The following PLEKHN1 variants were observed in gnomAD, a reference collection of about 807,000 sequenced individuals.
The protein encoded by PLEKHN1 is pleckstrin homology domain containing N1, also known as pleckstrin homology domain-containing family N member 1.
PLEKHN1 carries 68 observed loss-of-function variants against 72.8 expected under a neutral mutation model. That is an observed-to-expected ratio of 0.93 (90% CI 0.77 to 1.14). PLEKHN1 has a LOEUF of 1.14. Ranked by LOEUF, PLEKHN1 falls within the 50% of genes most tolerant of loss-of-function variation. PLEKHN1 has a pLI of 0.00. For synonymous variants in PLEKHN1, 454 were observed against 371.6 expected (o/e 1.22, Z -2.55); for missense variants, 1,015 against 840.5 (o/e 1.21, Z -2.57).
chr1:974,335 G>A lies in PLEKHN1; in HGVS notation c.1673G>A (p.Gly558Asp), dbSNP rs750700530. 4 of 1,612,876 alleles carry A rather than the reference G, an allele frequency of 2.5e-6. No homozygotes were observed. The highest frequency in any genetic ancestry group is 3.4e-6 in the Non-Finnish European group (4 of 1,180,016). Reference sequence around the variant, plus strand: ...TTCCAGGTCTCCTCTGCCAGGGAAGGTTCGCCCGAACCCTGGCTGCCTCTG... The same window carrying A: ...TTCCAGGTCTCCTCTGCCAGGGAAGATTCGCCCGAACCCTGGCTGCCTCTG... ...APQLVSSARE[G>D]SPEPWLPLTD... The change falls in exon 15 of 16, where the codon GGT (glycine) becomes GAT (aspartate). Residue 558 changes from glycine to aspartate, a missense_variant. Coordinates refer to ENST00000379410, the MANE Select transcript of PLEKHN1 (RefSeq NM_032129.3).
At chr1:966,865 C>G in intron 2 of PLEKHN1, 62 bp downstream of exon 2, 3 of 1,484,576 alleles carry the variant, frequency 2.0e-6, no homozygotes, top group Non-Finnish European at 2.7e-6. Context: ...GCGTGTGTGC[C>G]GTGTGTCCGT....
In PLEKHN1 at chr1:974,557, G is replaced by C. The variant is rs78958031; in HGVS notation, c.1818G>C (p.Gly606=). 9.4e-4 allele frequency: 1,514 copies of C among 1,611,910 alleles called. 38 individuals are homozygous for C. In the East Asian group the frequency reaches 0.032, roughly 34 times the overall value. The change falls in exon 16 of 16, where the codon GGG becomes GGC. Residue 606 remains glycine, a synonymous_variant. Coordinates refer to ENST00000379410, the MANE Select transcript of PLEKHN1 (RefSeq NM_032129.3). ...TTGGAGGGCCTGAGGCCAGTGGGGG[G>C]CTTGTGCAGTGGATCTGATGGCCGC... The part of the protein sequence containing the change: ...PQLGGPEASG[G]LVQWI
chr1:967,716 A>T (rs1643084921), intron 2 of PLEKHN1, among the ~76,000 whole-genome samples: 1 of 152,158 alleles, frequency 6.6e-6, no homozygotes, highest in South Asian at 2.1e-4. Context: ...GCAGACAAGT[A>T]CTGGTTTCGG....
chr1:969,129 CA>C (rs1643149132), intron 2 of PLEKHN1, among the ~76,000 whole-genome samples: 1 of 152,234 alleles, frequency 6.6e-6, no homozygotes, highest in Non-Finnish European at 1.5e-5. Context: ...ATTTACCATA[CA>C]ATACTGCAGA....
rs1461834257 is a variant in PLEKHN1 at position 971,020 on chromosome 1, A to ACCCCACCCCCCT, written c.612+23_612+34dup. 8.2e-6 allele frequency: 7 copies of ACCCCACCCCCCT among 849,904 alleles called. No individual in the cohort carries two copies. The highest frequency in any genetic ancestry group is 2.2e-4 in the Middle Eastern group (1 of 4,530). 52.6% of individuals were successfully genotyped at this position (849,904 alleles called of 1,614,324 possible). A position where few individuals can be genotyped will look rare whatever the true frequency, so the allele number is the denominator to read the frequency against. ...GCACCCCCACAGGTCAGTGCCGGGG[A>ACCCCACCCCCCT]CCCCACCCCCCTCCCCACCCTGATC... On this transcript the variant is annotated intron_variant, in intron 6 of 15. Transcript: ENST00000379410.
At position 971,157 on chromosome 1, in the gene PLEKHN1, C is replaced by A. The variant is rs756689253; in HGVS notation, c.657C>A (p.Gly219=). 3 of 1,599,410 alleles carry A rather than the reference C, an allele frequency of 1.9e-6. No individual in the cohort carries two copies. Among genetic ancestry groups the A allele is most frequent in the African/African-American group, 1.3e-5 (1 of 74,692 alleles). Residue 219 remains glycine (G), a synonymous_variant, in exon 7 of 16, where the codon GGC becomes GGA. Coordinates refer to ENST00000379410, the MANE Select transcript of PLEKHN1 (RefSeq NM_032129.3). ...RLRTASGHEP[G]GSAVCASRVK... ...GGACGGCGTCAGGGCACGAACCCGGCGGCAGTGCTGTCTGTGCCTCGAGGG... is the reference window on the plus strand; with the variant it reads ...GGACGGCGTCAGGGCACGAACCCGGAGGCAGTGCTGTCTGTGCCTCGAGGG...
At chr1:967,577 G>A (rs1643076672) in intron 2 of PLEKHN1, among the ~76,000 whole-genome samples, 1 of 152,154 alleles carries the variant, frequency 6.6e-6, no homozygotes, top group Non-Finnish European at 1.5e-5. Context: ...CTGCGGGAGA[G>A]GACGCCTGCC....
In PLEKHN1 at chr1:971,480, G is replaced by A. The variant is rs925361412; in HGVS notation, c.789+76G>A. The A allele has an allele frequency of 3.0e-6, 4 of 1,346,840 alleles. No homozygotes were observed. The African/African-American group carries it at 5.8e-5, about 20-fold the overall frequency. 83.4% of individuals were successfully genotyped at this position (1,346,840 alleles called of 1,614,324 possible). A position where few individuals can be genotyped will look rare whatever the true frequency, so the allele number is the denominator to read the frequency against. On this transcript the variant is annotated intron_variant, in intron 8 of 15. Transcript: ENST00000379410. ...GTGGGAGGGGGCAGCCATGCAGGAG[G>A]AACCTGTATTTCGGGGCTTGTTGAG...
At chr1:972,555 C>T in intron 10 of PLEKHN1, 131 bp downstream of exon 10, 3 of 1,216,336 alleles carry the variant, frequency 2.5e-6, no homozygotes, top group South Asian at 3.2e-5. Flanking sequence ...CATTTGAGGT[C>T]AGGGGTTCGA....
chr1:967,435 CA>C (rs1643069042), intron 2 of PLEKHN1, among the ~76,000 whole-genome samples: 1 of 149,238 alleles, frequency 6.7e-6, no homozygotes, highest in Non-Finnish European at 1.5e-5. Flanking sequence ...CAGCCCCTTT[CA>C]GATGTGTCTG....
chr1:971,124 C>G lies in PLEKHN1; in HGVS notation c.624C>G (p.Thr208=). 1 of 1,599,426 alleles carries G rather than the reference C, an allele frequency of 6.3e-7. No homozygotes were observed. The highest frequency in any genetic ancestry group is 8.5e-7 in the Non-Finnish European group (1 of 1,173,790). ...CHSAPPQRRL[T]RLRTASGHEP... The stretch of plus-strand genomic sequence containing the variant: ...CCTGGACTTTGCAGCGCCGTCTAAC[C>G]CGGCTGCGGACGGCGTCAGGGCACG... The change falls in exon 7 of 16, where the codon ACC becomes ACG. Residue 208 remains threonine (T), a synonymous_variant. Transcript: ENST00000379410.
intron 2 of PLEKHN1, among the ~76,000 whole-genome samples, chr1:967,034 G>C (rs1643033098): frequency 6.6e-6 from 1 of 152,216 alleles, no homozygotes; most frequent in Non-Finnish European, 1.5e-5. Flanking sequence ...GAGCTGGGCG[G>C]GGCGGGCCGC....
rs750963505 is a variant in PLEKHN1, at chr1:970,706, G to A, written c.432G>A (p.Glu144=). ...GGCAGGGGCTGTTACCGCTGACGGA[G>A]CTGAGTGTCTGCCCGCTCGAGGGGT... ...LTFQGLLPLT[E]LSVCPLEGSR... The change falls in exon 5 of 16, where the codon GAG becomes GAA. Residue 144 remains glutamate (E), a synonymous_variant. Coordinates refer to ENST00000379410, the MANE Select transcript of PLEKHN1 (RefSeq NM_032129.3). This position sits in a 1 kb window ranked among gnomAD's most constrained non-coding sequence, Gnocchi z 4.2. 1.2e-5 allele frequency: 19 copies of A among 1,598,616 alleles called. No individual in the cohort carries two copies. The highest frequency in any genetic ancestry group is 5.6e-5 in the South Asian group (5 of 88,996).
At position 974,681 on chromosome 1, in the gene PLEKHN1, G is replaced by C. The variant is rs1643525348; in HGVS notation, c.*106G>C. ...AGTCAGGGTCTGAACCCAGTGTGAT[G>C]GGGGGAGTCTCTGGGGCCCTGAGTT... On this transcript the variant is annotated 3_prime_UTR_variant, in exon 16 of 16. Coordinates refer to ENST00000379410, the MANE Select transcript of PLEKHN1 (RefSeq NM_032129.3). The C allele has an allele frequency of 1.4e-6, 2 of 1,390,420 alleles. No homozygotes were observed. Among genetic ancestry groups the C allele is most frequent in the Non-Finnish European group, 9.6e-7 (1 of 1,044,726 alleles). 86.1% of individuals were successfully genotyped at this position (1,390,420 alleles called of 1,614,324 possible).
chr1:970,149 T>C lies in PLEKHN1; in HGVS notation c.184-128T>C. 1 of 976,252 alleles carries C rather than the reference T, an allele frequency of 1.0e-6. No individual in the cohort carries two copies. Among genetic ancestry groups the C allele is most frequent in the Non-Finnish European group, 1.5e-6 (1 of 672,318 alleles). The allele number at this position is 976,252 out of a possible 1,614,324, so 60.5% of individuals were successfully genotyped here. On this transcript the variant is annotated intron_variant, in intron 2 of 15. Transcript: ENST00000379410. This position sits in a 1 kb window ranked among gnomAD's most constrained non-coding sequence, Gnocchi z 4.2. ...CAGGTTCTGTGCCTGTGGGGGGCTG[T>C]TCTTCACATATGTGTTGTGTGGCTA... is the stretch of plus-strand genomic sequence containing the variant.
rs142016795 is a variant in PLEKHN1 at position 970,635 on chromosome 1, C to A, written c.411+34C>A. The A allele has an allele frequency of 6.2e-7, 1 of 1,605,772 alleles. No homozygotes were observed. The highest frequency in any genetic ancestry group is 8.5e-7 in the Non-Finnish European group (1 of 1,175,314). On this transcript the variant is annotated intron_variant, in intron 4 of 15. Coordinates refer to ENST00000379410, the MANE Select transcript of PLEKHN1 (RefSeq NM_032129.3). This position sits in a 1 kb window ranked among gnomAD's most constrained non-coding sequence, Gnocchi z 4.2. ...GTGGGCAATGGGGTGGGGCCATGGC[C>A]GCCCTTCCCTCCATGGATCCCTGAA...
chr1:967,379 C>T (rs1256506537), intron 2 of PLEKHN1, among the ~76,000 whole-genome samples: 1 of 147,100 alleles, frequency 6.8e-6, no homozygotes, highest in South Asian at 2.1e-4. Context: ...CATGCCCACC[C>T]CCCCCCCAGC....
In PLEKHN1 at chr1:966,762, G is replaced by C. The variant is rs1242962018; in HGVS notation, c.142G>C (p.Asp48His). The C allele has an allele frequency of 6.4e-7, 1 of 1,573,024 alleles. No individual in the cohort carries two copies. Among genetic ancestry groups the C allele is most frequent in the Non-Finnish European group, 8.6e-7 (1 of 1,160,412 alleles). The change falls in exon 2 of 16, where the codon GAC (aspartate) becomes CAC (histidine). Residue 48 changes from aspartate (D) to histidine (H), a missense_variant. By Grantham distance (81) the Asp-to-His change is moderately conservative. Coordinates refer to ENST00000379410, the MANE Select transcript of PLEKHN1 (RefSeq NM_032129.3). ...LPGPEAARSG[D>H]AAANKLFHYI... is the part of the protein sequence containing the mutation. ...GGGCCCCGAGGCTGCTCGAAGCGGG[G>C]ACGCCGCCGCCAACAAGCTCTTCCA...
chr1:974,277 G>A, intron 14 of PLEKHN1, 39 bp from the exon 15 acceptor site: 4 of 1,612,830 alleles, frequency 2.5e-6, no homozygotes, highest in African/African-American at 2.7e-5. Context: ...CCTGCCTGGG[G>A]CTGTGCCCGG....
Sources: allele counts gnomAD v4.1 joint callset (sites outside exome capture counted in the v4.1 genomes callset), GRCh38; gene constraint gnomAD v4.1.1; non-coding constraint Gnocchi (gnomAD v3.1); transcripts MANE v1.5; gene names NCBI Gene and HGNC (gene_info 2026-07-23, HGNC 2026-07-21).